Variants in TOPBP1 observed in about 807,000 individuals in gnomAD.
TOPBP1 encodes the protein DNA topoisomerase II binding protein 1.
Under a neutral mutation model 167.7 loss-of-function variants are expected in TOPBP1, and 28 were observed. That is an observed-to-expected ratio of 0.17 (90% CI 0.12 to 0.23). The LOEUF is 0.23. Among genes scored for constraint, TOPBP1 ranks in the 10% least tolerant of loss-of-function variants. The pLI is 1.00. For synonymous variants in TOPBP1, 598 were observed against 611.4 expected (o/e 0.98, Z 0.32); for missense variants, 1,554 against 1,809.6 (o/e 0.86, Z 2.56).
At chr3:133,639,210 C>T (rs1407749289) in intron 13 of TOPBP1, among the ~76,000 whole-genome samples, 2 of 152,244 alleles carry the variant, frequency 1.3e-5, no homozygotes, top group East Asian at 3.9e-4. Context: ...TGGAACCAAC[C>T]CAAATGTCTA....
At chr3:133,618,522 C>T (rs1934972722) in intron 20 of TOPBP1, 89 bp from the exon 21 acceptor site, 16 of 1,224,512 alleles carry the variant, frequency 1.3e-5, no homozygotes, top group Admixed American at 2.0e-5. Flanking sequence ...AGTTGTGGCT[C>T]ACCTTTATAT....
At chr3:133,621,866 G>A (rs1484478740) in intron 19 of TOPBP1, among the ~76,000 whole-genome samples, 1 of 152,156 alleles carries the variant, frequency 6.6e-6, no homozygotes, top group African/African-American at 2.4e-5. Flanking sequence ...ATTCACTGCA[G>A]TACTATTTAT....
chr3:133,605,270 C>T (rs1222821546), intron 27 of TOPBP1, among the ~76,000 whole-genome samples: 2 of 151,226 alleles, frequency 1.3e-5, no homozygotes, highest in Non-Finnish European at 1.5e-5. Flanking sequence ...ACAAACTCTT[C>T]GAGAAAATCA....
intron 14 of TOPBP1, among the ~76,000 whole-genome samples, chr3:133,636,624 A>G (rs1393030143): frequency 6.6e-6 from 1 of 152,196 alleles, no homozygotes; most frequent in Non-Finnish European, 1.5e-5. Flanking sequence ...ATGTATCTAT[A>G]TAAGAATGGT....
intron 16 of TOPBP1, among the ~76,000 whole-genome samples, chr3:133,626,391 T>C (rs1935267791): frequency 6.6e-6 from 1 of 152,216 alleles, no homozygotes; most frequent in Admixed American, 6.5e-5. Flanking sequence ...AGGTACAGGA[T>C]GCTGGAAATT....
chr3:133,635,255 T>C (rs1935626144), intron 14 of TOPBP1, among the ~76,000 whole-genome samples: 1 of 152,090 alleles, frequency 6.6e-6, no homozygotes, highest in South Asian at 2.1e-4. Context: ...CAGCCATCCT[T>C]GTACTTATTT....
At chr3:133,613,363 TA>T (rs1257223612) in intron 23 of TOPBP1, among the ~76,000 whole-genome samples, 1 of 152,238 alleles carries the variant, frequency 6.6e-6, no homozygotes, top group African/African-American at 2.4e-5. Context: ...TGGATTGTTA[TA>T]ATTAGGATAC....
rs1352831647 is a variant in TOPBP1, at chr3:133,617,110, C to T, written c.3759+50G>A. On this transcript the variant is annotated intron_variant, in intron 22 of 27. Transcript: ENST00000260810. ...TGACATCAACAAATTTCTAATACAG[C>T]CTAACAGCAGTATGCAAAAGCTGTA... 3 of 1,541,228 alleles carry T rather than the reference C, an allele frequency of 1.9e-6. No individual in the cohort carries two copies. In the African/African-American group the frequency reaches 4.2e-5, roughly 21 times the overall value.
At position 133,613,809 on chromosome 3, in the gene TOPBP1, G is replaced by A. The variant is rs537025543; in HGVS notation, c.3872-1257C>T. 1.1e-3 allele frequency among the ~76,000 whole-genome samples: 156 copies of A among 137,692 alleles called. 3 individuals carry two copies. Among genetic ancestry groups the A allele is most frequent in the African/African-American group, 3.9e-3 (140 of 36,130 alleles). The allele number at this position is 137,692 out of a possible 152,430, so 90.3% of individuals were successfully genotyped here. On this transcript the variant is annotated intron_variant, in intron 23 of 27. Transcript: ENST00000260810. ...CTTTTTTTTTTTTTTTTTTTGAGACGGAGTCTCACTCTGTCACCCAGGCTG... is the reference window on the plus strand; with the variant it reads ...CTTTTTTTTTTTTTTTTTTTGAGACAGAGTCTCACTCTGTCACCCAGGCTG...
At chr3:133,623,285 G>A (rs773017730) in intron 18 of TOPBP1, 26 bp downstream of exon 18, 5 of 1,613,108 alleles carry the variant, frequency 3.1e-6, no homozygotes, top group Non-Finnish European at 1.7e-6. Flanking sequence ...TTAAGAGGGG[G>A]TAAATGTATC....
intron 27 of TOPBP1, among the ~76,000 whole-genome samples, chr3:133,604,213 C>T (rs1381393840): frequency 6.6e-6 from 1 of 151,792 alleles, no homozygotes; most frequent in Non-Finnish European, 1.5e-5. Flanking sequence ...CGTCTCACTG[C>T]AACCTCTGCC....
intron 27 of TOPBP1, among the ~76,000 whole-genome samples, chr3:133,605,442 T>C (rs1343826220): frequency 6.6e-6 from 1 of 151,974 alleles, no homozygotes; most frequent in Non-Finnish European, 1.5e-5. Flanking sequence ...CAAAGATTAA[T>C]ATGGCGTGAT....
At position 133,639,979 on chromosome 3, in the gene TOPBP1, A is replaced by G. The variant is rs748452918; in HGVS notation, c.2213T>C (p.Ile738Thr). 6.2e-7 allele frequency: 1 copy of G among 1,613,780 alleles called. No individual in the cohort carries two copies. The change falls in exon 13 of 28, where the codon ATT (isoleucine) becomes ACT (threonine). Residue 738 changes from isoleucine to threonine, a missense_variant. By Grantham distance (89) the Ile-to-Thr change is moderately conservative (BLOSUM62 -1). This residue lies in a region of TOPBP1 where 1,197 missense variants were observed against 1,351.5 expected (regional missense o/e 0.89). Transcript: ENST00000260810. ...TTAACCTTCTTTAGTTGAATTTTCA[A>G]TCAGAAAATGGCTTTCGTCTGCTCT... is the stretch of plus-strand genomic sequence containing the variant. The part of the protein sequence containing the change: ...GKRADESHFL[I>T]ENSTKEERSL...
In TOPBP1 at chr3:133,632,565, T is replaced by A. The variant is rs182567653; in HGVS notation, c.2521-3832A>T. Among the ~76,000 whole-genome samples, 3 of 152,280 alleles carry A rather than the reference T, an allele frequency of 2.0e-5. No individual in the cohort carries two copies. In the East Asian group the frequency reaches 5.8e-4, roughly 29 times the overall value. ...TCTATATGCTAAACTTTTTAAAATT[T>A]CTTCAAAGCATTTTAGAGGATTCCT... is the stretch of plus-strand genomic sequence containing the variant. On this transcript the variant is annotated intron_variant, in intron 14 of 27. Transcript: ENST00000260810.
intron 16 of TOPBP1, among the ~76,000 whole-genome samples, chr3:133,625,366 T>C (rs998327036): frequency 2.0e-4 from 31 of 152,358 alleles, no homozygotes; most frequent in African/African-American, 7.5e-4. Flanking sequence ...CAGAATTTTA[T>C]CCTTAGGGAC....
chr3:133,643,167 C>A (rs774251173), intron 12 of TOPBP1, 33 bp downstream of exon 12: 3 of 1,507,710 alleles, frequency 2.0e-6, no homozygotes, highest in Admixed American at 4.8e-5. Flanking sequence ...AAAGATACAC[C>A]AATACAACAG....
At chr3:133,653,245 A>G in intron 7 of TOPBP1, 100 bp downstream of exon 7, 1 of 1,189,168 alleles carries the variant, frequency 8.4e-7, no homozygotes. Flanking sequence ...GCAAACAAGA[A>G]AAAGAAATTC....
chr3:133,607,066 G>A (rs1934518517), intron 27 of TOPBP1, among the ~76,000 whole-genome samples: 1 of 152,054 alleles, frequency 6.6e-6, no homozygotes, highest in Non-Finnish European at 1.5e-5. Flanking sequence ...CCTACCGCAT[G>A]GCTAAAAATC....
chr3:133,632,620 A>C (rs1935523531), intron 14 of TOPBP1, among the ~76,000 whole-genome samples: 1 of 152,164 alleles, frequency 6.6e-6, no homozygotes, highest in Non-Finnish European at 1.5e-5. Flanking sequence ...CCCATACCAC[A>C]TCTATCTGCC....
Sources: gnomAD v4.1 joint callset for allele counts (sites outside exome capture counted in the v4.1 genomes callset) on GRCh38, gnomAD v4.1.1 for gene constraint, gnomAD v4.1.1 regional missense constraint, MANE v1.5 for transcripts, NCBI Gene and HGNC (gene_info 2026-07-23, HGNC 2026-07-21) for gene names.